Variants in CACNA1A observed in about 807,000 individuals in gnomAD.
CACNA1A encodes the protein voltage-dependent P/Q-type calcium channel subunit alpha-1A.
In CACNA1A, 57 loss-of-function variants were observed where a neutral mutation model predicts 262.4. The ratio of observed to expected loss-of-function variants is 0.22; its 90% confidence interval spans 0.18 to 0.27. CACNA1A has a LOEUF of 0.27. Among genes scored for constraint, CACNA1A ranks in the 10% least tolerant of loss-of-function variants. CACNA1A has a pLI of 1.00. For synonymous variants in CACNA1A, 1,431 were observed against 1,419.3 expected, an observed-to-expected ratio of 1.01 and a Z score of -0.18; for missense variants, 2,526 against 3,562.8, an observed-to-expected ratio of 0.71 and a Z score of 7.41.
At chr19:13,343,970 G>A (rs942102920) in intron 6 of CACNA1A, among the ~76,000 whole-genome samples, 3 of 152,156 alleles carry the variant, frequency 2.0e-5, no homozygotes, top group Non-Finnish European at 4.4e-5. Flanking sequence ...CAGCACTTTG[G>A]GGGGCTAAGG....
intron 6 of CACNA1A, among the ~76,000 whole-genome samples, chr19:13,349,278 G>A (rs549445585): frequency 1.3e-5 from 2 of 152,210 alleles, no homozygotes; most frequent in Admixed American, 6.5e-5. Flanking sequence ...AGAAGCCCTC[G>A]GCTAAAGGCA....
chr19:13,498,798 C>T (rs1202387468), intron 1 of CACNA1A, among the ~76,000 whole-genome samples: 1 of 152,174 alleles, frequency 6.6e-6, no homozygotes, highest in Non-Finnish European at 1.5e-5. Context: ...TTGCACCATT[C>T]TTCTCTCTCA....
Position 13,235,060 on chromosome 19 carries a change from C to T in CACNA1A, c.5134-24G>A, listed in dbSNP as rs2055827759. On this transcript the variant is annotated intron_variant, in intron 33 of 46. Transcript: ENST00000360228. The stretch of plus-strand genomic sequence containing the variant: ...ACCTGTGGAATTGGAGGGTGACGAC[C>T]AGGGGCTGCCATTCCTCCAGTGGCT... 3.2e-6 allele frequency: 5 copies of T among 1,578,244 alleles called. No individual in the cohort carries two copies. In the East Asian group the frequency reaches 1.1e-4, roughly 35 times the overall value.
Position 13,212,506 on chromosome 19 carries a change from C to A in CACNA1A, c.6067G>T (p.Gly2023Cys), listed in dbSNP as rs574805525. ...PGGALMAHES[G>C]LKESPSWVTQ... is the part of the protein sequence containing the mutation. ...ACCCAGGACGGGCTCTCCTTGAGGC[C>A]GCTTTCGTGAGCCATCCTGCATGGG... Residue 2023 changes from glycine to cysteine, a missense_variant, in exon 42 of 47, where the codon GGC becomes TGC. Physicochemically the swap from Gly to Cys is radical, Grantham distance 159. Around this residue, in one of 17 missense-constraint regions of CACNA1A, gnomAD observed 929 missense variants for 868.1 expected, o/e 1.07. Transcript: ENST00000360228. This position sits in a 1 kb window ranked among gnomAD's most constrained non-coding sequence, Gnocchi z 5.6. The A allele has an allele frequency of 6.3e-7, 1 of 1,576,262 alleles. No individual in the cohort carries two copies.
intron 29 of CACNA1A, among the ~76,000 whole-genome samples, chr19:13,254,800 T>C (rs1225740643): frequency 6.6e-6 from 1 of 152,138 alleles, no homozygotes; most frequent in Non-Finnish European, 1.5e-5. Flanking sequence ...CGCAGATTTT[T>C]GTGGCAGGCG....
At chr19:13,408,978 T>C (rs1261508223) in intron 3 of CACNA1A, among the ~76,000 whole-genome samples, 3 of 152,194 alleles carry the variant, frequency 2.0e-5, no homozygotes, top group Non-Finnish European at 4.4e-5. Context: ...AAAATAGACA[T>C]ACCGACTTCA....
Position 13,223,423 on chromosome 19 carries a change from A to G in CACNA1A, c.5731+1244T>C, listed in dbSNP as rs561260982. The stretch of plus-strand genomic sequence containing the variant: ...TGGCCAGGCTGGTCATCCTGACCTC[A>G]AGTAATCCACCCACCTTGGCCTCCC... On this transcript the variant is annotated intron_variant, in intron 38 of 46. Coordinates refer to ENST00000360228, the MANE Select transcript of CACNA1A (RefSeq NM_001127222.2). Among the ~76,000 whole-genome samples, 10 of 151,426 alleles carry G rather than the reference A, an allele frequency of 6.6e-5. No homozygotes were observed. The South Asian group carries it at 2.1e-3, about 32-fold the overall frequency.
chr19:13,325,835 A>G lies in CACNA1A; in HGVS notation c.1345+4409T>C, dbSNP rs1414822043. Among the ~76,000 whole-genome samples the G allele has an allele frequency of 9.9e-5, 15 of 152,214 alleles. 1 individual carries two copies. The highest frequency in any genetic ancestry group is 9.8e-4 in the Admixed American group (15 of 15,276). On this transcript the variant is annotated intron_variant, in intron 10 of 46. Coordinates refer to ENST00000360228, the MANE Select transcript of CACNA1A (RefSeq NM_001127222.2). Reference sequence around the variant, plus strand: ...CATGATATTTTGACCATATGTATACACTATGGAGTGGCTCAGTTGAGCTAG... The same window carrying G: ...CATGATATTTTGACCATATGTATACGCTATGGAGTGGCTCAGTTGAGCTAG...
At position 13,452,572 on chromosome 19, in the gene CACNA1A, T is replaced by A. The variant is rs907031996; in HGVS notation, c.539+304A>T. On this transcript the variant is annotated intron_variant, in intron 3 of 46. Transcript: ENST00000360228. ...AGTTTCTGATTCCTCAGTGGTCAGA[T>A]GGGAATATTAATATTTCCTAATTCA... 1.3e-5 allele frequency: 3 copies of A among 223,708 alleles called. No homozygotes were observed. In the East Asian group the frequency reaches 2.8e-4, roughly 21 times the overall value. The allele number at this position is 223,708 out of a possible 1,614,324, so 13.9% of individuals were successfully genotyped here.
At chr19:13,477,428 T>C (rs1267838683) in intron 1 of CACNA1A, among the ~76,000 whole-genome samples, 2 of 152,226 alleles carry the variant, frequency 1.3e-5, no homozygotes, top group Non-Finnish European at 1.5e-5. Flanking sequence ...GAAGAGTGCC[T>C]TGGCCACCAT....
At chr19:13,415,766 A>AAAAAAAAAAAAAAAAAAAAC (rs2060209352) in intron 3 of CACNA1A, among the ~76,000 whole-genome samples, 1 of 147,268 alleles carries the variant, frequency 6.8e-6, no homozygotes, top group Non-Finnish European at 1.5e-5. Context: ...AAAAAAAAAA[A>AAAAAAAAAAAAAAAAAAAAC]AAAAAAAGTA....
At chr19:13,393,748 C>T (rs1280279097) in intron 3 of CACNA1A, among the ~76,000 whole-genome samples, 1 of 131,282 alleles carries the variant, frequency 7.6e-6, no homozygotes, top group Non-Finnish European at 1.7e-5. Flanking sequence ...TTTTCTCTCT[C>T]TCCCCTTCCT....
intron 6 of CACNA1A, 56 bp downstream of exon 6, chr19:13,359,550 G>A (rs2059065717): frequency 7.1e-7 from 1 of 1,412,902 alleles, no homozygotes; most frequent in South Asian, 1.2e-5. Flanking sequence ...CTGGTCCCAG[G>A]AGGCCACCTC....
intron 18 of CACNA1A, among the ~76,000 whole-genome samples, 181 bp downstream of exon 18, chr19:13,300,369 T>TG (rs986449061): frequency 3.3e-5 from 5 of 152,168 alleles, no homozygotes; most frequent in African/African-American, 7.2e-5. Context: ...AGAACAGTGC[T>TG]GGGTACATAA....
chr19:13,360,744 T>C (rs578037530), intron 5 of CACNA1A, among the ~76,000 whole-genome samples: 1 of 152,302 alleles, frequency 6.6e-6, no homozygotes, highest in African/African-American at 2.4e-5. Flanking sequence ...TCCAAAGTGC[T>C]GGGATTACAG....
At chr19:13,235,074 C>T in intron 33 of CACNA1A, 38 bp from the exon 34 acceptor site, 2 of 1,555,568 alleles carry the variant, frequency 1.3e-6, no homozygotes, top group African/African-American at 2.7e-5. Flanking sequence ...GGCTGCCATT[C>T]CTCCAGTGGC....
chr19:13,344,610 G>A (rs1325844932), intron 6 of CACNA1A, among the ~76,000 whole-genome samples: 2 of 152,024 alleles, frequency 1.3e-5, no homozygotes, highest in African/African-American at 4.8e-5. Flanking sequence ...GCTCCTCCAG[G>A]GTAGAGATTT....
chr19:13,329,214 TG>T (rs912149220), intron 10 of CACNA1A, among the ~76,000 whole-genome samples: 3 of 152,164 alleles, frequency 2.0e-5, no homozygotes, highest in African/African-American at 7.2e-5. Context: ...CTGGCCCTTG[TG>T]GTGGCAAAGG....
In CACNA1A at chr19:13,308,022, G is replaced by A; in HGVS notation, c.1913+98C>T. On this transcript the variant is annotated intron_variant, in intron 14 of 46. Transcript: ENST00000360228. The surrounding 1 kb of genome is among the most constrained non-coding windows in gnomAD (Gnocchi z 4.2). ...ATTTGGGTGACCGCAATGGGTGTCTGGGCTACGAGGAAGGCAGCCTGCACG... is the reference window on the plus strand; with the variant it reads ...ATTTGGGTGACCGCAATGGGTGTCTAGGCTACGAGGAAGGCAGCCTGCACG... 4.6e-6 allele frequency: 7 copies of A among 1,515,610 alleles called. No individual in the cohort carries two copies. In the South Asian group the frequency reaches 8.6e-5, roughly 19 times the overall value. 93.9% of individuals were successfully genotyped at this position (1,515,610 alleles called of 1,614,324 possible).
Sources: gnomAD v4.1 joint callset for allele counts (sites outside exome capture counted in the v4.1 genomes callset) on GRCh38, gnomAD v4.1.1 for gene constraint, gnomAD v4.1.1 regional missense constraint, Gnocchi (gnomAD v3.1) non-coding constraint, MANE v1.5 for transcripts, NCBI Gene and HGNC (gene_info 2026-07-23, HGNC 2026-07-21) for gene names.